The following PTPRK variants were observed in gnomAD, a reference collection of about 807,000 sequenced individuals.
PTPRK encodes receptor-type tyrosine-protein phosphatase kappa.
PTPRK carries 75 observed loss-of-function variants against 178.0 expected under a neutral mutation model. The observed-to-expected ratio is 0.42, with a 90% CI of 0.35 to 0.51. The LOEUF is 0.51. PTPRK is among the 20% of genes least tolerant of loss of function. The probability of loss-of-function intolerance (pLI) is 0.02; values close to 1 mark genes in which losing one functional copy is unlikely to be tolerated. For missense variants in PTPRK, 1,441 were observed against 1,797.8 expected (o/e 0.80, Z 3.59); for synonymous variants, 637 against 620.6 (o/e 1.03, Z -0.39).
intron 7 of PTPRK, among the ~76,000 whole-genome samples, chr6:128,117,145 A>G (rs547690228): frequency 8.4e-4 from 127 of 152,074 alleles, no homozygotes; most frequent in African/African-American, 3.0e-3. Context: ...GACTCTGTCA[A>G]AAAAATAAAA....
chr6:127,991,262 TA>T, intron 20 of PTPRK, 31 bp downstream of exon 20: 1 of 1,520,004 alleles, frequency 6.6e-7, no homozygotes, highest in Non-Finnish European at 9.0e-7. Flanking sequence ...TGTTCATTTT[TA>T]TGACAAAAAA....
rs368541214 is a variant in PTPRK at position 128,093,111 on chromosome 6, A to G, written c.1163-3119T>C. 1.2e-4 allele frequency among the ~76,000 whole-genome samples: 19 copies of G among 152,274 alleles called. No individual in the cohort carries two copies. The East Asian group carries it at 2.7e-3, about 22-fold the overall frequency. On this transcript the variant is annotated intron_variant, in intron 7 of 29. Coordinates refer to ENST00000368226, the MANE Select transcript of PTPRK (RefSeq NM_002844.4). ...ACATTCATGAATTCATTATCTGTCA[A>G]TCGTTTTGGAATATGATATATGTTC...
chr6:128,093,596 CAAAAAAAAA>C lies in PTPRK; in HGVS notation c.1163-3613_1163-3605del, dbSNP rs1172145765. Among the ~76,000 whole-genome samples the C allele has an allele frequency of 1.8e-3, 11 of 6,274 alleles. No individual in the cohort carries two copies. The Admixed American group carries it at 0.025, about 14-fold the overall frequency. 4.1% of individuals were successfully genotyped at this position (6,274 alleles called of 152,430 possible). A position where few individuals can be genotyped will look rare whatever the true frequency, so the allele number is the denominator to read the frequency against. On this transcript the variant is annotated intron_variant, in intron 7 of 29. Transcript: ENST00000368226. Reference sequence around the variant, plus strand: ...GGTGACAGAGCAAGAGACTCTCTCTCAAAAAAAAAAAAAAAAAAAAAAAAAAACGAAAAA... The same window carrying C: ...GGTGACAGAGCAAGAGACTCTCTCTCAAAAAAAAAAAAAAAAAACGAAAAA...
intron 7 of PTPRK, among the ~76,000 whole-genome samples, chr6:128,119,504 A>T (rs1163045544): frequency 6.6e-6 from 1 of 152,120 alleles, no homozygotes; most frequent in Non-Finnish European, 1.5e-5. Flanking sequence ...AGAAGTTTGA[A>T]AATATTTTCT....
intron 7 of PTPRK, among the ~76,000 whole-genome samples, chr6:128,174,125 T>A (rs796321823): frequency 1.7e-4 from 26 of 151,974 alleles, no homozygotes; most frequent in African/African-American, 6.0e-4. Context: ...TTGTAGTTTT[T>A]AAAATATTAG....
chr6:128,036,850 G>A (rs1265062488), intron 13 of PTPRK, among the ~76,000 whole-genome samples: 1 of 151,780 alleles, frequency 6.6e-6, no homozygotes, highest in African/African-American at 2.4e-5. Context: ...TCCTGCCTCA[G>A]TCTCTGGAGT....
intron 7 of PTPRK, among the ~76,000 whole-genome samples, chr6:128,166,290 T>C (rs574214085): frequency 6.6e-6 from 1 of 151,826 alleles, no homozygotes; most frequent in East Asian, 1.9e-4. Flanking sequence ...GGTATGCTTT[T>C]CTGATTTATT....
At chr6:128,350,460 A>G (rs1832973753) in intron 2 of PTPRK, among the ~76,000 whole-genome samples, 1 of 152,190 alleles carries the variant, frequency 6.6e-6, no homozygotes, top group Non-Finnish European at 1.5e-5. Context: ...AACAGAAGGT[A>G]GAGGCAGTGC....
At chr6:128,514,010 C>G (rs866128809) in intron 1 of PTPRK, among the ~76,000 whole-genome samples, 1 of 152,146 alleles carries the variant, frequency 6.6e-6, no homozygotes, top group Non-Finnish European at 1.5e-5. Context: ...CACTATCCAA[C>G]ACGGATTAAG....
intron 4 of PTPRK, 100 bp downstream of exon 4, chr6:128,242,421 G>T: frequency 6.8e-7 from 1 of 1,463,806 alleles, no homozygotes. Context: ...AATAACAAGA[G>T]AGACAGCAAA....
At chr6:128,458,610 C>T (rs889329246) in intron 1 of PTPRK, among the ~76,000 whole-genome samples, 4 of 152,242 alleles carry the variant, frequency 2.6e-5, no homozygotes, top group Non-Finnish European at 5.9e-5. Flanking sequence ...TGCACACACA[C>T]ACAAAATGGC....
chr6:128,413,028 G>T (rs1168938957), intron 1 of PTPRK, among the ~76,000 whole-genome samples: 2 of 152,104 alleles, frequency 1.3e-5, no homozygotes, highest in Non-Finnish European at 2.9e-5. Context: ...CATCTCTTTT[G>T]TGTAATAAAT....
chr6:128,258,999 A>G (rs1817772897), intron 3 of PTPRK, among the ~76,000 whole-genome samples: 1 of 152,176 alleles, frequency 6.6e-6, no homozygotes, highest in Non-Finnish European at 1.5e-5. Context: ...CTGATATCTG[A>G]CATGTGTTTT....
At chr6:128,379,948 A>G (rs1837642952) in intron 2 of PTPRK, among the ~76,000 whole-genome samples, 1 of 152,168 alleles carries the variant, frequency 6.6e-6, no homozygotes, top group Non-Finnish European at 1.5e-5. Flanking sequence ...TAATTGTAAT[A>G]ATCAACATTA....
chr6:128,482,057 A>G (rs1278860365), intron 1 of PTPRK, among the ~76,000 whole-genome samples: 1 of 152,182 alleles, frequency 6.6e-6, no homozygotes, highest in African/African-American at 2.4e-5. Flanking sequence ...TCAGGCAATG[A>G]CACGAATTAG....
At chr6:128,120,986 T>C (rs1792364275) in intron 7 of PTPRK, among the ~76,000 whole-genome samples, 2 of 151,982 alleles carry the variant, frequency 1.3e-5, no homozygotes, top group East Asian at 3.9e-4. Context: ...TTTTAGAAAA[T>C]AGTTATTTGA....
At chr6:128,075,659 T>C (rs1469657821) in intron 11 of PTPRK, among the ~76,000 whole-genome samples, 2 of 152,048 alleles carry the variant, frequency 1.3e-5, no homozygotes, top group African/African-American at 4.8e-5. Context: ...GCAGCTCAGC[T>C]CTTGGCACAT....
intron 3 of PTPRK, among the ~76,000 whole-genome samples, chr6:128,269,910 T>C (rs746888135): frequency 2.0e-5 from 3 of 152,158 alleles, no homozygotes; most frequent in African/African-American, 4.8e-5. Flanking sequence ...ACTCCTCTTA[T>C]ATAACGTGCT....
At chr6:128,231,256 T>C (rs1812248609) in intron 5 of PTPRK, among the ~76,000 whole-genome samples, 1 of 152,268 alleles carries the variant, frequency 6.6e-6, no homozygotes, top group East Asian at 1.9e-4. Context: ...AATATACCAA[T>C]GGCCCAATGA....
Sources: gnomAD v4.1 joint callset for allele counts (sites outside exome capture counted in the v4.1 genomes callset) on GRCh38, gnomAD v4.1.1 for gene constraint, MANE v1.5 for transcripts, NCBI Gene and HGNC (gene_info 2026-07-23, HGNC 2026-07-21) for gene names.